FHIT: variants seen among roughly 807,000 people sequenced by gnomAD.
FHIT encodes the protein fragile histidine triad diadenosine triphosphatase, also known as bis(5'-adenosyl)-triphosphatase.
Under a neutral mutation model 17.9 loss-of-function variants are expected in FHIT, and 19 were observed. The ratio of observed to expected loss-of-function variants is 1.06; its 90% confidence interval spans 0.74 to 1.56. The LOEUF (loss-of-function observed/expected upper bound fraction) is 1.56, where lower values mean the gene tolerates loss of function less well. FHIT is among the 40% of genes most tolerant of loss of function. The pLI is 0.00. For synonymous variants in FHIT, 81 were observed against 69.7 expected, an observed-to-expected ratio of 1.16 and a Z score of -0.81; for missense variants, 248 against 189.2, an observed-to-expected ratio of 1.31 and a Z score of -1.82.
chr3:61,193,622 A>T (rs2038776735), intron 2 of FHIT, among the ~76,000 whole-genome samples: 1 of 152,268 alleles, frequency 6.6e-6, no homozygotes, highest in African/African-American at 2.4e-5. Flanking sequence ...GTAACCAGTT[A>T]TGCATGTATG....
chr3:60,537,512 T>C (rs1470403299), intron 4 of FHIT: 2 of 961,386 alleles, frequency 2.1e-6, no homozygotes, highest in Non-Finnish European at 2.5e-6. Flanking sequence ...TCTAGTAAAA[T>C]CTCCAAAATA....
intron 8 of FHIT, among the ~76,000 whole-genome samples, chr3:59,835,561 G>A (rs781451645): frequency 1.3e-5 from 2 of 152,096 alleles, no homozygotes; most frequent in African/African-American, 4.8e-5. Context: ...AGATGTGTCC[G>A]AGTTTTCACA....
intron 2 of FHIT, among the ~76,000 whole-genome samples, chr3:61,063,620 G>A (rs978545674): frequency 3.9e-5 from 6 of 152,090 alleles, no homozygotes; most frequent in Admixed American, 3.9e-4. Flanking sequence ...TCTAGACCAA[G>A]GTTCACAAAC....
At chr3:61,113,079 C>T (rs1300940876) in intron 2 of FHIT, among the ~76,000 whole-genome samples, 1 of 152,076 alleles carries the variant, frequency 6.6e-6, no homozygotes, top group East Asian at 1.9e-4. Context: ...TCATGGCTTA[C>T]TGCTGCCTTG....
chr3:59,958,085 T>C (rs1406939783), intron 7 of FHIT, among the ~76,000 whole-genome samples: 3 of 152,210 alleles, frequency 2.0e-5, no homozygotes, highest in South Asian at 2.1e-4. Context: ...ATATTCAGCA[T>C]AGGTAGCCAT....
At chr3:60,230,788 A>G (rs1373566287) in intron 5 of FHIT, among the ~76,000 whole-genome samples, 1 of 152,160 alleles carries the variant, frequency 6.6e-6, no homozygotes, top group Non-Finnish European at 1.5e-5. Flanking sequence ...TTGGCTGACT[A>G]TGACCTCCCC....
chr3:60,233,568 T>C (rs1051134349), intron 5 of FHIT, among the ~76,000 whole-genome samples: 1 of 152,052 alleles, frequency 6.6e-6, no homozygotes, highest in Non-Finnish European at 1.5e-5. Context: ...ACTCTACCTA[T>C]TTTCTTTCAT....
intron 4 of FHIT, among the ~76,000 whole-genome samples, chr3:60,768,229 C>T (rs376295539): frequency 9.9e-5 from 15 of 152,114 alleles, no homozygotes; most frequent in East Asian, 9.7e-4. Flanking sequence ...TATTGTTCCA[C>T]GTTAATTCAT....
intron 4 of FHIT, among the ~76,000 whole-genome samples, chr3:60,613,957 G>C (rs775006950): frequency 6.6e-6 from 1 of 152,116 alleles, no homozygotes; most frequent in Non-Finnish European, 1.5e-5. Flanking sequence ...GATCAACAAA[G>C]TCCAGGAACA....
intron 5 of FHIT, among the ~76,000 whole-genome samples, chr3:60,524,983 T>C (rs1396382456): frequency 2.0e-5 from 3 of 152,136 alleles, no homozygotes; most frequent in Non-Finnish European, 2.9e-5. Context: ...TGGTAATAGA[T>C]GAAATCAGAG....
chr3:61,093,215 C>G (rs920062238), intron 2 of FHIT, among the ~76,000 whole-genome samples: 1 of 152,122 alleles, frequency 6.6e-6, no homozygotes, highest in African/African-American at 2.4e-5. Flanking sequence ...AATGAGCACA[C>G]AACGATAAAC....
chr3:60,167,225 A>C (rs1701213962), intron 5 of FHIT, among the ~76,000 whole-genome samples: 1 of 152,210 alleles, frequency 6.6e-6, no homozygotes, highest in East Asian at 1.9e-4. Context: ...TGTTTTGTGA[A>C]TGTCACCATC....
At chr3:61,045,610 A>G (rs1231962397) in intron 2 of FHIT, among the ~76,000 whole-genome samples, 1 of 152,222 alleles carries the variant, frequency 6.6e-6, no homozygotes, top group Non-Finnish European at 1.5e-5. Context: ...GATATCCAGG[A>G]ATAGAACTCA....
At chr3:60,453,160 T>G (rs1207743910) in intron 5 of FHIT, among the ~76,000 whole-genome samples, 1 of 152,010 alleles carries the variant, frequency 6.6e-6, no homozygotes, top group Non-Finnish European at 1.5e-5. Flanking sequence ...AATTATACGC[T>G]GTCATGAACA....
chr3:60,684,655 T>C (rs1235354251), intron 4 of FHIT, among the ~76,000 whole-genome samples: 4 of 151,982 alleles, frequency 2.6e-5, no homozygotes, highest in African/African-American at 9.7e-5. Context: ...GCCACCCCTT[T>C]ACAAATTCCA....
At chr3:59,793,458 G>A (rs1239115425) in intron 8 of FHIT, among the ~76,000 whole-genome samples, 1 of 152,106 alleles carries the variant, frequency 6.6e-6, no homozygotes, top group African/African-American at 2.4e-5. Context: ...TACCAAAGAC[G>A]ACAAGAGGAG....
At chr3:60,522,545 G>C (rs932561026) in intron 5 of FHIT, among the ~76,000 whole-genome samples, 1 of 152,196 alleles carries the variant, frequency 6.6e-6, no homozygotes, top group Non-Finnish European at 1.5e-5. Flanking sequence ...TGATAAACAA[G>C]GAAACCTGAG....
chr3:60,294,411 G>T (rs774746228), intron 5 of FHIT, among the ~76,000 whole-genome samples: 11 of 152,142 alleles, frequency 7.2e-5, no homozygotes, highest in African/African-American at 2.4e-4. Flanking sequence ...GAAATATGAA[G>T]AACGTGACCA....
At chr3:60,808,936 A>G (rs529190231) in intron 4 of FHIT, among the ~76,000 whole-genome samples, 2 of 152,288 alleles carry the variant, frequency 1.3e-5, no homozygotes, top group South Asian at 4.1e-4. Flanking sequence ...ATTTTATTCA[A>G]CATACACGAA....
Sources: allele counts gnomAD v4.1 joint callset (sites outside exome capture counted in the v4.1 genomes callset), GRCh38; gene constraint gnomAD v4.1.1; transcripts MANE v1.5; gene names NCBI Gene and HGNC (gene_info 2026-07-23, HGNC 2026-07-21).